Variants in HPGD observed in about 807,000 individuals in gnomAD.
HPGD encodes 15-hydroxyprostaglandin dehydrogenase [NAD(+)].
In HPGD, 29 loss-of-function variants were observed where a neutral mutation model predicts 30.0. The ratio of observed to expected loss-of-function variants is 0.97; its 90% confidence interval spans 0.72 to 1.32. The LOEUF (loss-of-function observed/expected upper bound fraction) is 1.32. Among genes scored for constraint, HPGD ranks in the 40% most tolerant of loss-of-function variants. HPGD has a pLI of 0.00. For synonymous variants in HPGD, 99 were observed against 112.4 expected, an observed-to-expected ratio of 0.88 and a Z score of 0.75; for missense variants, 340 against 322.1, an observed-to-expected ratio of 1.06 and a Z score of -0.43.
chr4:174,501,153 G>A (rs1383652567), intron 4 of HPGD, among the ~76,000 whole-genome samples: 1 of 152,142 alleles, frequency 6.6e-6, no homozygotes, highest in African/African-American at 2.4e-5. Flanking sequence ...TAAAACCAAT[G>A]GGAGGACCCC....
chr4:174,519,666 G>A (rs1309910524), intron 2 of HPGD, among the ~76,000 whole-genome samples: 1 of 152,078 alleles, frequency 6.6e-6, no homozygotes, highest in Admixed American at 6.6e-5. Context: ...GGCTCAAAAA[G>A]CTCCACCACT....
At chr4:174,515,605 C>A (rs1420311155) in intron 3 of HPGD, among the ~76,000 whole-genome samples, 7 of 70,446 alleles carry the variant, frequency 9.9e-5, no homozygotes, top group Non-Finnish European at 1.6e-4. Flanking sequence ...GCAATTGCAA[C>A]AAAACCAAAA....
Position 174,497,172 on chromosome 4 carries a change from G to A in HPGD, c.422-1548C>T, listed in dbSNP as rs45470993. Among the ~76,000 whole-genome samples the A allele has an allele frequency of 6.5e-3, 991 of 152,236 alleles. 10 individuals carry two copies. The highest frequency in any genetic ancestry group is 0.022 in the African/African-American group (919 of 41,546). ...TTCAGGACAATGTTCATATATAGCA[G>A]GAAATGCAGCATGAACCTTAATCAG... On this transcript the variant is annotated intron_variant, in intron 4 of 6. Coordinates refer to ENST00000296522, the MANE Select transcript of HPGD (RefSeq NM_000860.6).
chr4:174,499,372 T>C (rs1426947), intron 4 of HPGD, among the ~76,000 whole-genome samples: 75,689 of 151,982 alleles, frequency 0.5, 19,994 homozygotes, highest in Non-Finnish European at 0.59. Context: ...GATGAAAGTA[T>C]TTTAAGAGAC....
rs45536432 is a variant in HPGD, at chr4:174,521,649, A to G, written c.217+295T>C. On this transcript the variant is annotated intron_variant, in intron 2 of 6. Coordinates refer to ENST00000296522, the MANE Select transcript of HPGD (RefSeq NM_000860.6). ...GTTTTGTCTGCAATTTCAATCATTT[A>G]ATAATTACTGCAGCAGCACTGTCTT... 6.1e-3 allele frequency among the ~76,000 whole-genome samples: 933 copies of G among 152,360 alleles called. 11 individuals carry two copies. The highest frequency in any genetic ancestry group is 0.022 in the African/African-American group (896 of 41,580).
At chr4:174,493,563 T>A (rs1375987964) in intron 5 of HPGD, 1 of 404,624 alleles carries the variant, frequency 2.5e-6, no homozygotes, top group African/African-American at 2.0e-5. Flanking sequence ...CTGGAAACAA[T>A]TATGTAAGCT....
intron 4 of HPGD, chr4:174,508,137 A>C (rs1735278127): frequency 1.4e-6 from 1 of 702,512 alleles, no homozygotes; most frequent in Non-Finnish European, 2.6e-6. Context: ...AAGACGGCAG[A>C]ACTTCTGCCA....
At chr4:174,507,924 T>C in intron 4 of HPGD, 1 of 541,812 alleles carries the variant, frequency 1.8e-6, no homozygotes, top group East Asian at 2.8e-5. Flanking sequence ...GGCACACAGC[T>C]AGACTGCATT....
chr4:174,498,619 A>G (rs1049433372), intron 4 of HPGD, among the ~76,000 whole-genome samples: 23 of 152,120 alleles, frequency 1.5e-4, no homozygotes, highest in African/African-American at 5.3e-4. Context: ...CTGACTTTTC[A>G]CTCAGGATAG....
intron 5 of HPGD, 112 bp downstream of exon 5, chr4:174,495,436 A>T (rs773500561): frequency 1.2e-6 from 1 of 824,342 alleles, no homozygotes; most frequent in Admixed American, 1.9e-5. Context: ...GAGGTATGTC[A>T]TTTTTCCACC....
intron 4 of HPGD, among the ~76,000 whole-genome samples, chr4:174,502,641 G>A (rs12642566): frequency 0.15 from 19,443 of 131,748 alleles, 1,579 homozygotes; most frequent in East Asian, 0.2. Context: ...TTGCGCCACC[G>A]CACTCCAGCC....
chr4:174,495,804 C>T, intron 4 of HPGD, 180 bp from the exon 5 acceptor site: 1 of 629,988 alleles, frequency 1.6e-6, no homozygotes, highest in Non-Finnish European at 2.9e-6. Flanking sequence ...AGTTTATTTG[C>T]TCCATGACCC....
At chr4:174,521,538 G>A (rs1399406649) in intron 2 of HPGD, among the ~76,000 whole-genome samples, 13 of 152,152 alleles carry the variant, frequency 8.5e-5, no homozygotes, top group Non-Finnish European at 1.8e-4. Context: ...GAAAAACACT[G>A]CCACATTTGA....
In HPGD at chr4:174,499,028, C is replaced by T. The variant is rs1302193730; in HGVS notation, c.422-3404G>A. ...TAGTATTATTGCTACTGTGGTGTAG[C>T]TTCAGGATTGGTTAACCACGCTTCC... On this transcript the variant is annotated intron_variant, in intron 4 of 6. Transcript: ENST00000296522. Among the ~76,000 whole-genome samples, 5 of 152,118 alleles carry T rather than the reference C, an allele frequency of 3.3e-5. No homozygotes were observed. In the South Asian group the frequency reaches 8.3e-4, roughly 25 times the overall value.
At chr4:174,495,513 G>A in intron 5 of HPGD, 35 bp downstream of exon 5, 1 of 1,471,416 alleles carries the variant, frequency 6.8e-7, no homozygotes, top group South Asian at 1.1e-5. Flanking sequence ...TGTGTACAAA[G>A]AGAAAATGAG....
chr4:174,499,097 C>T (rs998174670), intron 4 of HPGD, among the ~76,000 whole-genome samples: 2 of 152,164 alleles, frequency 1.3e-5, no homozygotes, highest in Non-Finnish European at 2.9e-5. Context: ...AATTTGTTTC[C>T]ATGTGCTTCA....
intron 5 of HPGD, 125 bp from the exon 6 acceptor site, chr4:174,493,439 G>T (rs1274049064): frequency 1.2e-6 from 1 of 850,426 alleles, no homozygotes; most frequent in African/African-American, 1.7e-5. Context: ...TCCCAGCTAT[G>T]TAACAATGAC....
intron 5 of HPGD, chr4:174,493,549 A>T (rs1296031804): frequency 2.3e-6 from 1 of 429,028 alleles, no homozygotes; most frequent in African/African-American, 2.0e-5. Context: ...TTACTGGACA[A>T]CTCCTGGAAA....
chr4:174,493,052 A>G, intron 6 of HPGD, 99 bp downstream of exon 6: 1 of 1,137,470 alleles, frequency 8.8e-7, no homozygotes, highest in Non-Finnish European at 1.2e-6. Flanking sequence ...GCTTGTGTTC[A>G]TTTCTCAACT....
Sources: gnomAD v4.1 joint callset for allele counts (sites outside exome capture counted in the v4.1 genomes callset) on GRCh38, gnomAD v4.1.1 for gene constraint, MANE v1.5 for transcripts, NCBI Gene and HGNC (gene_info 2026-07-23, HGNC 2026-07-21) for gene names.